CNTNAP2: variants seen among roughly 807,000 people sequenced by gnomAD.
The protein encoded by CNTNAP2 is contactin associated protein 2, also known as contactin-associated protein-like 2.
Under a neutral mutation model 155.2 loss-of-function variants are expected in CNTNAP2, and 98 were observed. That is an observed-to-expected ratio of 0.63 (90% CI 0.54 to 0.75). The LOEUF is 0.75. Ranked by LOEUF, CNTNAP2 falls within the 30% of genes least tolerant of loss-of-function variation. CNTNAP2 has a pLI of 0.00. For missense variants in CNTNAP2, 1,727 were observed against 1,688.1 expected, an observed-to-expected ratio of 1.02 and a Z score of -0.40; for synonymous variants, 651 against 631.2, an observed-to-expected ratio of 1.03 and a Z score of -0.47.
intron 10 of CNTNAP2, among the ~76,000 whole-genome samples, chr7:147,428,224 C>A (rs1338430823): frequency 6.6e-6 from 1 of 152,134 alleles, no homozygotes; most frequent in Admixed American, 6.6e-5. Flanking sequence ...ATACTCAAAC[C>A]TACAATGAAT....
intron 13 of CNTNAP2, among the ~76,000 whole-genome samples, chr7:147,863,501 C>T (rs1402478536): frequency 6.6e-6 from 1 of 152,204 alleles, no homozygotes; most frequent in Non-Finnish European, 1.5e-5. Context: ...TAAGGAATTA[C>T]CGCACTGTCT....
rs116212086 is a variant in CNTNAP2 at position 147,538,992 on chromosome 7, A to G, written c.1778-23146A>G. Among the ~76,000 whole-genome samples the G allele has an allele frequency of 6.5e-3, 996 of 152,260 alleles. 14 individuals are homozygous for G. The highest frequency in any genetic ancestry group is 0.022 in the African/African-American group (913 of 41,550). On this transcript the variant is annotated intron_variant, in intron 11 of 23. Transcript: ENST00000361727. ...GGTGTCTCTTAATATAACAGCTTATACAGGGGCTGAATGATGCCAGCTTTG... is the reference window on the plus strand; with the variant it reads ...GGTGTCTCTTAATATAACAGCTTATGCAGGGGCTGAATGATGCCAGCTTTG...
At chr7:148,063,006 G>A (rs1803185471) in intron 15 of CNTNAP2, among the ~76,000 whole-genome samples, 1 of 152,102 alleles carries the variant, frequency 6.6e-6, no homozygotes, top group African/African-American at 2.4e-5. Flanking sequence ...AGAATACCAT[G>A]AACAAAGCTG....
intron 10 of CNTNAP2, among the ~76,000 whole-genome samples, chr7:147,481,817 C>A (rs990522351): frequency 2.0e-5 from 3 of 152,150 alleles, no homozygotes; most frequent in Non-Finnish European, 4.4e-5. Flanking sequence ...GCAGTCGAGT[C>A]ATTTTTATTC....
intron 13 of CNTNAP2, among the ~76,000 whole-genome samples, chr7:147,889,608 A>G (rs575231800): frequency 1.3e-5 from 2 of 152,212 alleles, no homozygotes; most frequent in South Asian, 4.1e-4. Flanking sequence ...GTATTATAGA[A>G]GAAGCTTTTA....
chr7:146,300,569 T>A (rs1174434206), intron 1 of CNTNAP2, among the ~76,000 whole-genome samples: 1 of 152,168 alleles, frequency 6.6e-6, no homozygotes, highest in Non-Finnish European at 1.5e-5. Flanking sequence ...TTATAAATGG[T>A]TTGGCTGATA....
intron 1 of CNTNAP2, among the ~76,000 whole-genome samples, chr7:146,244,650 G>A (rs1379490163): frequency 6.6e-6 from 1 of 152,012 alleles, no homozygotes; most frequent in Non-Finnish European, 1.5e-5. Flanking sequence ...GGATATAAAG[G>A]TTTCACTGAA....
At position 148,216,475 on chromosome 7, in the gene CNTNAP2, G is replaced by A. The variant is rs146890948; in HGVS notation, c.3011-813G>A. On this transcript the variant is annotated intron_variant, in intron 18 of 23. Coordinates refer to ENST00000361727, the MANE Select transcript of CNTNAP2 (RefSeq NM_014141.6). ...CCCTATACACAAAGTCTCTAAGGAC[G>A]TAGGGCTTATAAAGGCTTTCCTGTA... Among the ~76,000 whole-genome samples the A allele has an allele frequency of 3.5e-3, 532 of 151,032 alleles. 2 individuals carry two copies. The highest frequency in any genetic ancestry group is 0.012 in the African/African-American group (496 of 41,498).
At chr7:147,567,594 G>T (rs144447463) in intron 12 of CNTNAP2, among the ~76,000 whole-genome samples, 53 of 152,218 alleles carry the variant, frequency 3.5e-4, no homozygotes, top group Middle Eastern at 3.4e-3. Flanking sequence ...TTTAAGAAGA[G>T]GAGTTGGCCA....
chr7:147,402,750 C>T (rs1022678647), intron 10 of CNTNAP2, among the ~76,000 whole-genome samples: 3 of 152,120 alleles, frequency 2.0e-5, no homozygotes, highest in Non-Finnish European at 2.9e-5. Flanking sequence ...CCTTAGGCTA[C>T]GCCCCCTTTA....
intron 1 of CNTNAP2, among the ~76,000 whole-genome samples, chr7:146,178,206 T>C (rs1003018259): frequency 6.6e-6 from 1 of 152,104 alleles, no homozygotes; most frequent in Non-Finnish European, 1.5e-5. Context: ...GCTAATTTTT[T>C]GTATTTTTAG....
In CNTNAP2 at chr7:146,853,193, T is replaced by A. The variant is rs575648366; in HGVS notation, c.402+13289T>A. 3.3e-5 allele frequency among the ~76,000 whole-genome samples: 5 copies of A among 152,334 alleles called. No homozygotes were observed. The East Asian group carries it at 9.7e-4, about 29-fold the overall frequency. ...TCACATGATATGTTAAATAAAAAGG[T>A]ATGATTACATATCTTTAATATGACA... is the stretch of plus-strand genomic sequence containing the variant. On this transcript the variant is annotated intron_variant, in intron 3 of 23. Coordinates refer to ENST00000361727, the MANE Select transcript of CNTNAP2 (RefSeq NM_014141.6).
At chr7:146,379,585 T>G (rs1425042747) in intron 1 of CNTNAP2, among the ~76,000 whole-genome samples, 1 of 152,184 alleles carries the variant, frequency 6.6e-6, no homozygotes, top group Non-Finnish European at 1.5e-5. Flanking sequence ...TCATGTTAAG[T>G]TGCTATAAGA....
chr7:147,412,339 G>A (rs1797118560), intron 10 of CNTNAP2, among the ~76,000 whole-genome samples: 1 of 152,092 alleles, frequency 6.6e-6, no homozygotes, highest in African/African-American at 2.4e-5. Flanking sequence ...TGATCTCTGG[G>A]TCTAGAATTG....
chr7:147,206,846 G>A (rs1402850458), intron 8 of CNTNAP2, among the ~76,000 whole-genome samples: 1 of 152,090 alleles, frequency 6.6e-6, no homozygotes, highest in African/African-American at 2.4e-5. Context: ...TTTCTCAGAA[G>A]ACCACAAACC....
At chr7:147,816,388 T>G (rs1390707933) in intron 13 of CNTNAP2, among the ~76,000 whole-genome samples, 6 of 152,150 alleles carry the variant, frequency 3.9e-5, no homozygotes, top group African/African-American at 1.4e-4. Context: ...GATTGCTGTT[T>G]GGAATTGATT....
chr7:148,122,372 G>T (rs1804616577), intron 16 of CNTNAP2, among the ~76,000 whole-genome samples: 1 of 152,224 alleles, frequency 6.6e-6, no homozygotes, highest in Non-Finnish European at 1.5e-5. Flanking sequence ...GCCTCCCAGG[G>T]ATGGAATGCT....
intron 20 of CNTNAP2, among the ~76,000 whole-genome samples, chr7:148,235,950 G>A (rs1301279857): frequency 1.3e-5 from 2 of 151,852 alleles, no homozygotes; most frequent in African/African-American, 4.8e-5. Context: ...CTCCCAAAGT[G>A]CTGGAATTAC....
Position 148,402,929 on chromosome 7 carries a change from G to T in CNTNAP2, c.3716-6462G>T, listed in dbSNP as rs578010336. On this transcript the variant is annotated intron_variant, in intron 22 of 23. Coordinates refer to ENST00000361727, the MANE Select transcript of CNTNAP2 (RefSeq NM_014141.6). ...TAGATATTTCAATTTATTTTTATAT[G>T]CACTTCAATATGTTTTGTTTGCAAT... Among the ~76,000 whole-genome samples, 5 of 149,094 alleles carry T rather than the reference G, an allele frequency of 3.4e-5. No individual in the cohort carries two copies. The South Asian group carries it at 1.1e-3, about 32-fold the overall frequency.
Sources: gnomAD v4.1 joint callset for allele counts (sites outside exome capture counted in the v4.1 genomes callset) on GRCh38, gnomAD v4.1.1 for gene constraint, MANE v1.5 for transcripts, NCBI Gene and HGNC (gene_info 2026-07-23, HGNC 2026-07-21) for gene names.